The following GRAMD1C variants were observed in gnomAD, a reference collection of about 807,000 sequenced individuals.
GRAMD1C encodes the protein protein Aster-C.
A neutral mutation model predicts 97.8 loss-of-function variants in GRAMD1C; 89 were observed. That is an observed-to-expected ratio of 0.91 (90% CI 0.77 to 1.09). GRAMD1C has a LOEUF of 1.09. Among genes scored for constraint, GRAMD1C ranks in the 50% least tolerant of loss-of-function variants. The probability of loss-of-function intolerance (pLI) is 0.00; values close to 1 mark genes in which losing one functional copy is unlikely to be tolerated. For synonymous variants in GRAMD1C, 256 were observed against 267.0 expected (o/e 0.96, Z 0.40); for missense variants, 740 against 766.4 (o/e 0.97, Z 0.41).
At chr3:113,853,875 G>A (rs947879714) in intron 2 of GRAMD1C, among the ~76,000 whole-genome samples, 1 of 152,186 alleles carries the variant, frequency 6.6e-6, no homozygotes, top group Non-Finnish European at 1.5e-5. Flanking sequence ...AATGATGGGG[G>A]CGGGTGAGAG....
intron 6 of GRAMD1C, among the ~76,000 whole-genome samples, chr3:113,887,341 C>T (rs1245215653): frequency 6.6e-6 from 1 of 151,822 alleles, no homozygotes; most frequent in African/African-American, 2.4e-5. Flanking sequence ...TTTCACCCAC[C>T]TTGGCCTCCC....
intron 9 of GRAMD1C, chr3:113,913,296 A>G (rs531667266): frequency 3.2e-5 from 11 of 347,156 alleles, no homozygotes; most frequent in African/African-American, 2.4e-4. Flanking sequence ...AGGCTGAGCC[A>G]GGTGGGTCAA....
intron 2 of GRAMD1C, among the ~76,000 whole-genome samples, chr3:113,849,713 C>T (rs997251343): frequency 3.9e-5 from 6 of 152,206 alleles, no homozygotes; most frequent in African/African-American, 1.4e-4. Context: ...GACAGGGCAA[C>T]CATCCGATTT....
chr3:113,845,994 A>T (rs2107320453), intron 2 of GRAMD1C, among the ~76,000 whole-genome samples: 1 of 152,372 alleles, frequency 6.6e-6, no homozygotes, highest in South Asian at 2.1e-4. Context: ...GCTAAGAAAT[A>T]TACAAAAATA....
At chr3:113,916,112 T>C (rs1936801620) in intron 10 of GRAMD1C, among the ~76,000 whole-genome samples, 1 of 152,198 alleles carries the variant, frequency 6.6e-6, no homozygotes, top group African/African-American at 2.4e-5. Flanking sequence ...TTCGATTAGG[T>C]TGAACTCAAT....
intron 2 of GRAMD1C, chr3:113,850,290 C>A: frequency 1.5e-6 from 1 of 683,876 alleles, no homozygotes. Context: ...AACTGGAATT[C>A]GGTTGCTGAC....
At chr3:113,898,516 C>T (rs369134745) in intron 6 of GRAMD1C, among the ~76,000 whole-genome samples, 9 of 152,012 alleles carry the variant, frequency 5.9e-5, no homozygotes, top group Non-Finnish European at 8.8e-5. Flanking sequence ...AGAAAATAAA[C>T]GTGTATGTTC....
upstream of GRAMD1C, among the ~76,000 whole-genome samples, chr3:113,834,642 T>A (rs1169476191): frequency 6.6e-6 from 1 of 151,998 alleles, no homozygotes; most frequent in Non-Finnish European, 1.5e-5. Context: ...TTTATATTTT[T>A]AAGAGACATT....
At chr3:113,885,791 G>C in intron 6 of GRAMD1C, 1 of 1,608,504 alleles carries the variant, frequency 6.2e-7, no homozygotes, top group South Asian at 1.1e-5. Flanking sequence ...CTTTGCAGTT[G>C]AGCAGCTACA....
intron 8 of GRAMD1C, among the ~76,000 whole-genome samples, chr3:113,908,644 AT>A (rs750464738): frequency 2.6e-5 from 4 of 152,070 alleles, no homozygotes; most frequent in Non-Finnish European, 5.9e-5. Flanking sequence ...GGATTGTTCT[AT>A]TATTTTTGTC....
chr3:113,848,858 A>T (rs1177579802), intron 2 of GRAMD1C, among the ~76,000 whole-genome samples: 1 of 152,234 alleles, frequency 6.6e-6, no homozygotes, highest in African/African-American at 2.4e-5. Context: ...AATGAGTTTT[A>T]TTATTACCTT....
At position 113,885,223 on chromosome 3, in the gene GRAMD1C, C is replaced by A. The variant is rs1935422811; in HGVS notation, c.540+2391C>A. ...GGGCCCCCGTTCCCCCTCCCTTCGG[C>A]GGGGGTTGCCCCCGGGGGGCTGGCG... On this transcript the variant is annotated intron_variant, in intron 6 of 17. Coordinates refer to ENST00000358160, the MANE Select transcript of GRAMD1C (RefSeq NM_017577.5). 7.0e-6 allele frequency: 6 copies of A among 857,482 alleles called. No individual in the cohort carries two copies. In the South Asian group the frequency reaches 9.0e-5, roughly 13 times the overall value. The allele number at this position is 857,482 out of a possible 1,614,324, so 53.1% of individuals were successfully genotyped here. A position where few individuals can be genotyped will look rare whatever the true frequency, so the allele number is the denominator to read the frequency against.
At chr3:113,834,321 A>G (rs989712315), upstream of GRAMD1C, among the ~76,000 whole-genome samples, 3 of 152,058 alleles carry the variant, frequency 2.0e-5, no homozygotes, top group African/African-American at 7.2e-5. Flanking sequence ...CTGGGATTAC[A>G]GGCGCCTGCC....
intron 2 of GRAMD1C, among the ~76,000 whole-genome samples, chr3:113,860,502 G>A (rs1934322002): frequency 6.6e-6 from 1 of 152,082 alleles, no homozygotes; most frequent in African/African-American, 2.4e-5. Flanking sequence ...AAATTCAAAT[G>A]ACTTTTTTTG....
At chr3:113,850,243 A>T (rs918493583) in intron 2 of GRAMD1C, 40 of 623,496 alleles carry the variant, frequency 6.4e-5, no homozygotes, top group Non-Finnish European at 6.0e-6. Flanking sequence ...AGTTTTACTG[A>T]GGTGGCTGAC....
At chr3:113,938,491 T>C in intron 15 of GRAMD1C, 1 of 170,922 alleles carries the variant, frequency 5.9e-6, no homozygotes, top group Non-Finnish European at 1.2e-5. Context: ...AATACTATTT[T>C]ACTCTATTTG....
rs538906993 is a variant in GRAMD1C at position 113,915,789 on chromosome 3, T to C, written c.1041T>C (p.Phe347=). 1.2e-6 allele frequency: 2 copies of C among 1,610,774 alleles called. No individual in the cohort carries two copies. The highest frequency in any genetic ancestry group is 1.1e-5 in the South Asian group (1 of 91,004). The change falls in exon 10 of 18, where the codon TTT becomes TTC. Residue 347 remains phenylalanine, a synonymous_variant. Coordinates refer to ENST00000358160, the MANE Select transcript of GRAMD1C (RefSeq NM_017577.5). ...CTGACAGAATGTTTGAATTGCTCTT[T>C]ACCAGTTCACGCTTTATGCAGAAAT... The part of the protein sequence containing the change: ...ISADRMFELL[F]TSSRFMQKFA...
intron 2 of GRAMD1C, among the ~76,000 whole-genome samples, chr3:113,859,821 G>A (rs55984851): frequency 0.025 from 3,777 of 152,186 alleles, 175 homozygotes; most frequent in African/African-American, 0.087. Context: ...AATGTTTAAA[G>A]AAGAATGAGC....
rs10212207 is a variant in GRAMD1C, at chr3:113,828,549, T to C, written n.98+270T>C. Among the ~76,000 whole-genome samples the C allele has an allele frequency of 9.4e-3, 1,428 of 152,324 alleles. 23 individuals carry two copies. The highest frequency in any genetic ancestry group is 0.033 in the African/African-American group (1,356 of 41,566). ...TGATTGTCTTCTTTTTTCCTATTAC[T>C]TCCAGACTCTTTTCCTTCACTCTTC... On this transcript the variant is annotated intron_variant and non_coding_transcript_variant, in intron 1 of 18. Transcript: ENST00000479212.
Sources: allele counts gnomAD v4.1 joint callset (sites outside exome capture counted in the v4.1 genomes callset), GRCh38; gene constraint gnomAD v4.1.1; transcripts MANE v1.5; gene names NCBI Gene and HGNC (gene_info 2026-07-23, HGNC 2026-07-21).